The following HEPACAM2 variants were observed in gnomAD, a reference collection of about 807,000 sequenced individuals.
The protein encoded by HEPACAM2 is HEPACAM family member 2, also known as mitotic kinetics regulator.
A neutral mutation model predicts 49.6 loss-of-function variants in HEPACAM2; 49 were observed. The ratio of observed to expected loss-of-function variants is 0.99; its 90% CI spans 0.78 to 1.25. The LOEUF is 1.25. HEPACAM2 is among the 50% of genes most tolerant of loss of function. The pLI is 0.00. For missense variants in HEPACAM2, 525 were observed against 557.2 expected (o/e 0.94, Z 0.58); for synonymous variants, 197 against 202.9 (o/e 0.97, Z 0.25).
chr7:93,204,068 A>G (rs929872255), intron 4 of HEPACAM2, among the ~76,000 whole-genome samples: 1 of 152,170 alleles, frequency 6.6e-6, no homozygotes, highest in Non-Finnish European at 1.5e-5. Context: ...ATTTCCAGAT[A>G]GAAAAAATTA....
At chr7:93,195,120 G>A (rs1327725528) in intron 8 of HEPACAM2, among the ~76,000 whole-genome samples, 1 of 151,946 alleles carries the variant, frequency 6.6e-6, no homozygotes, top group African/African-American at 2.4e-5. Flanking sequence ...ATATGAGGGG[G>A]CAATAAAGGG....
chr7:93,198,075 G>A (rs1008877952), intron 4 of HEPACAM2, among the ~76,000 whole-genome samples: 20 of 151,740 alleles, frequency 1.3e-4, no homozygotes, highest in African/African-American at 4.8e-4. Flanking sequence ...ACACACTTTA[G>A]TAATTTTTGG....
intron 4 of HEPACAM2, among the ~76,000 whole-genome samples, chr7:93,204,585 C>T (rs1379806940): frequency 6.6e-6 from 1 of 151,990 alleles, no homozygotes. Context: ...CAAGTATTTC[C>T]TAACTTTGCA....
intron 4 of HEPACAM2, among the ~76,000 whole-genome samples, chr7:93,198,220 C>T (rs146125564): frequency 1.5e-3 from 230 of 152,188 alleles, no homozygotes; most frequent in African/African-American, 5.3e-3. Context: ...CTAGAATTCA[C>T]TTTGTTTTAT....
intron 3 of HEPACAM2, 119 bp downstream of exon 3, chr7:93,215,282 C>A (rs1177387323): frequency 2.4e-5 from 20 of 844,034 alleles, no homozygotes; most frequent in Non-Finnish European, 3.7e-5. Context: ...AACTATTGAA[C>A]TACAATAATG....
chr7:93,210,165 T>C (rs1794144263), intron 3 of HEPACAM2, among the ~76,000 whole-genome samples: 1 of 151,964 alleles, frequency 6.6e-6, no homozygotes, highest in Non-Finnish European at 1.5e-5. Context: ...TGGCTTATAG[T>C]CTAAAAATCT....
At chr7:93,224,535 A>G (rs1794506522) in intron 1 of HEPACAM2, among the ~76,000 whole-genome samples, 1 of 152,164 alleles carries the variant, frequency 6.6e-6, no homozygotes, top group African/African-American at 2.4e-5. Flanking sequence ...AATTGCAGCA[A>G]TGATCCCTCC....
chr7:93,222,233 C>A (rs1434349600), intron 1 of HEPACAM2, among the ~76,000 whole-genome samples: 1 of 151,868 alleles, frequency 6.6e-6, no homozygotes, highest in East Asian at 1.9e-4. Context: ...GTTTTCTGTA[C>A]AAAACAAAAT....
At chr7:93,225,849 T>C in intron 1 of HEPACAM2, 1 of 997,142 alleles carries the variant, frequency 1.0e-6, no homozygotes, top group Admixed American at 2.9e-5. Flanking sequence ...CTCCCTTTTG[T>C]GTAGGAAATT....
Position 93,215,413 on chromosome 7 carries a change from G to A in HEPACAM2, c.703C>T (p.Pro235Ser), listed in dbSNP as rs1313659599. Reference protein sequence around the residue: ...VSEMESDIIMPIIYYGPYGLQ... With the variant: ...VSEMESDIIMSIIYYGPYGLQ... ...AAAATAAACTTACAATATATGATGG[G>A]CATAATGATATCACTTTCCATTTCA... The change falls in exon 3 of 10, where the codon CCC (proline) becomes TCC (serine). Residue 235 changes from proline (P) to serine (S), a missense_variant. Physicochemically the swap from Pro to Ser is moderately conservative, Grantham distance 74. Coordinates refer to ENST00000394468, the MANE Select transcript of HEPACAM2 (RefSeq NM_001039372.4). The A allele has an allele frequency of 6.2e-7, 1 of 1,613,244 alleles. No homozygotes were observed. Among genetic ancestry groups the A allele is most frequent in the Non-Finnish European group, 8.5e-7 (1 of 1,179,498 alleles).
At chr7:93,228,458 C>T (rs17782156), upstream of HEPACAM2, among the ~76,000 whole-genome samples, 21,879 of 150,570 alleles carry the variant, frequency 0.15, 1,718 homozygotes, top group South Asian at 0.2. Context: ...TAAACTCTTA[C>T]CTGCTGGAGT....
intron 4 of HEPACAM2, among the ~76,000 whole-genome samples, chr7:93,207,098 C>A (rs1468459272): frequency 6.6e-6 from 1 of 152,002 alleles, no homozygotes; most frequent in Non-Finnish European, 1.5e-5. Context: ...ATGCAGATGG[C>A]CCAAGGGCAA....
At position 93,219,439 on chromosome 7, in the gene HEPACAM2, C is replaced by T. The variant is rs893247512; in HGVS notation, c.92G>A (p.Gly31Glu). Residue 31 changes from glycine to glutamate, a missense_variant, in exon 2 of 10, where the codon GGG (glycine) becomes GAG (glutamate). Physicochemically the swap from Gly to Glu is moderately conservative, Grantham distance 98. Transcript: ENST00000394468. ...GTGTGATGGCACTGTCACCTTCAGCCCCGAGCAAGCACCTGTTGCAAAGGA... is the reference window on the plus strand; with the variant it reads ...GTGTGATGGCACTGTCACCTTCAGCTCCGAGCAAGCACCTGTTGCAAAGGA... ...IYLLLFGACSGLKVTVPSHTV... is the reference protein window; with the variant it reads ...IYLLLFGACSELKVTVPSHTV... 15 of 1,613,722 alleles carry T rather than the reference C, an allele frequency of 9.3e-6. No individual in the cohort carries two copies. In the African/African-American group the frequency reaches 1.7e-4, roughly 19 times the overall value.
chr7:93,217,095 C>A (rs1794323873), intron 2 of HEPACAM2, among the ~76,000 whole-genome samples: 1 of 152,046 alleles, frequency 6.6e-6, no homozygotes, highest in Non-Finnish European at 1.5e-5. Context: ...CTTCATCTTC[C>A]CTGGCAAGAA....
intron 9 of HEPACAM2, 68 bp downstream of exon 9, chr7:93,192,186 T>A (rs973323293): frequency 8.5e-7 from 1 of 1,170,552 alleles, no homozygotes; most frequent in African/African-American, 1.5e-5. Context: ...TTTTAATCAG[T>A]TCTGGGGAAA....
chr7:93,206,882 G>A (rs1480700264), intron 4 of HEPACAM2, among the ~76,000 whole-genome samples: 6 of 152,042 alleles, frequency 3.9e-5, no homozygotes, highest in Non-Finnish European at 7.4e-5. Context: ...GTAGGTTTGC[G>A]ATAGTCTTAT....
the HEPACAM2 span, among the ~76,000 whole-genome samples, chr7:93,231,945 A>G: frequency 6.6e-6 from 1 of 152,094 alleles, no homozygotes. Flanking sequence ...CCTCAGTGAC[A>G]GCCCTTTCTT....
intron 1 of HEPACAM2, chr7:93,225,953 T>A: frequency 1.5e-6 from 2 of 1,336,004 alleles, no homozygotes; most frequent in African/African-American, 3.0e-5. Context: ...CAACAATATC[T>A]TTAATTAAAA....
chr7:93,197,543 T>C lies in HEPACAM2; in HGVS notation c.1080A>G (p.Leu360=). Residue 360 remains leucine, a synonymous_variant, in exon 5 of 10, where the codon CTA becomes CTG. Transcript: ENST00000394468. ...GAAGACACATGGATATAATCAAAAA[T>C]AGTGATATTCCAGTTATACTTGCTA... is the stretch of plus-strand genomic sequence containing the variant. The part of the protein sequence containing the change: ...SPLASITGIS[L]FLIISMCLLF... The C allele has an allele frequency of 6.3e-7, 1 of 1,597,198 alleles. No individual in the cohort carries two copies. The highest frequency in any genetic ancestry group is 8.6e-7 in the Non-Finnish European group (1 of 1,166,434).
Sources: gnomAD v4.1 joint callset for allele counts (sites outside exome capture counted in the v4.1 genomes callset) on GRCh38, gnomAD v4.1.1 for gene constraint, MANE v1.5 for transcripts, NCBI Gene and HGNC (gene_info 2026-07-23, HGNC 2026-07-21) for gene names.